Variants in ADAT2 observed in about 807,000 individuals in gnomAD.
ADAT2 encodes the protein adenosine deaminase tRNA specific 2.
Under a neutral mutation model 25.9 loss-of-function variants are expected in ADAT2, and 26 were observed. The observed-to-expected ratio is 1.00, with a 90% CI of 0.74 to 1.39. The LOEUF (loss-of-function observed/expected upper bound fraction) is 1.39. ADAT2 is among the 40% of genes most tolerant of loss of function. The pLI, the probability that ADAT2 is intolerant of heterozygous loss-of-function variation, is 0.00. For synonymous variants in ADAT2, 76 were observed against 86.8 expected (o/e 0.88, Z 0.69); for missense variants, 220 against 244.8 (o/e 0.90, Z 0.68).
chr6:143,424,050 G>A lies in ADAT2; in HGVS notation c.*4413C>T, dbSNP rs1562631266. 2.0e-5 allele frequency: 3 copies of A among 152,160 alleles called. No homozygotes were observed. Among genetic ancestry groups the A allele is most frequent in the Admixed American group, 2.0e-4 (3 of 15,274 alleles). The allele number at this position is 152,160 out of a possible 1,614,324, so 9.4% of individuals were successfully genotyped here. A position where few individuals can be genotyped will look rare whatever the true frequency, so the allele number is the denominator to read the frequency against. On this transcript the variant is annotated 3_prime_UTR_variant, in exon 6 of 6. Coordinates refer to ENST00000237283, the MANE Select transcript of ADAT2 (RefSeq NM_182503.3). This position sits in a 1 kb window ranked among gnomAD's most constrained non-coding sequence, Gnocchi z 4.8. ...TAGAAATCAGGTGATAAATAGTCAC[G>A]AGCCTGTTTTCATTAGCTCAACTTG...
At chr6:143,433,283 A>C (rs1038874634) in intron 3 of ADAT2, among the ~76,000 whole-genome samples, 13 of 152,218 alleles carry the variant, frequency 8.5e-5, no homozygotes, top group Admixed American at 2.0e-4. Context: ...TCTCTGCACT[A>C]TTTAAGTTGC....
At chr6:143,438,769 CATGAACAAG>C in intron 1 of ADAT2, 75 bp from the exon 2 acceptor site, 1 of 1,222,760 alleles carries the variant, frequency 8.2e-7, no homozygotes, top group Non-Finnish European at 1.2e-6. Context: ...AGAGATGCAG[CATGAACAAG>C]ATACACATGT....
At position 143,444,161 on chromosome 6, in the gene ADAT2, T is replaced by C. The variant is rs796885881; in HGVS notation, c.97-5467A>G. 1.3e-5 allele frequency among the ~76,000 whole-genome samples: 2 copies of C among 152,322 alleles called. No homozygotes were observed. The highest frequency in any genetic ancestry group is 4.8e-5 in the African/African-American group (2 of 41,574). On this transcript the variant is annotated intron_variant, in intron 1 of 5. Transcript: ENST00000237283. The surrounding 1 kb of genome is among the most constrained non-coding windows in gnomAD (Gnocchi z 4.3). ...ATTTATTTCATTTCACTCCTCTCAA[T>C]ATTATCTTCATGTTTATTTTGAGTA...
At chr6:143,447,026 C>G (rs983002522) in intron 1 of ADAT2, among the ~76,000 whole-genome samples, 23 of 152,268 alleles carry the variant, frequency 1.5e-4, no homozygotes, top group African/African-American at 5.5e-4. Context: ...CTATGCTTAG[C>G]TCTCAGAAAG....
In ADAT2 at chr6:143,426,775, T is replaced by A. The variant is rs1778945444; in HGVS notation, c.*1688A>T. On this transcript the variant is annotated 3_prime_UTR_variant, in exon 6 of 6. Transcript: ENST00000237283. This position sits in a 1 kb window ranked among gnomAD's most constrained non-coding sequence, Gnocchi z 4.1. ...TCAGTAATTTCATTTAGCAAATGTT[T>A]ACCAAGAACCTACTGGACATAAGAT... 1 of 152,186 alleles carries A rather than the reference T, an allele frequency of 6.6e-6. No homozygotes were observed. Among genetic ancestry groups the A allele is most frequent in the South Asian group, 2.1e-4 (1 of 4,826 alleles). 9.4% of individuals were successfully genotyped at this position (152,186 alleles called of 1,614,324 possible).
Position 143,443,252 on chromosome 6 carries a change from T to C in ADAT2, c.97-4558A>G, listed in dbSNP as rs926659910. On this transcript the variant is annotated intron_variant, in intron 1 of 5. Transcript: ENST00000237283. ...CACTTATTCATTTGTTCAACAAACA[T>C]TTGTGGAGCACCTACCAAGGGCCAG... Among the ~76,000 whole-genome samples the C allele has an allele frequency of 5.3e-5, 8 of 152,022 alleles. No homozygotes were observed. In the South Asian group the frequency reaches 1.0e-3, roughly 20 times the overall value.
chr6:143,423,777 T>A lies in ADAT2; in HGVS notation c.*4686A>T, dbSNP rs1379539648. On this transcript the variant is annotated 3_prime_UTR_variant, in exon 6 of 6. Coordinates refer to ENST00000237283, the MANE Select transcript of ADAT2 (RefSeq NM_182503.3). The stretch of plus-strand genomic sequence containing the variant: ...TGAAGGGAGGCCAAGGACTTACACA[T>A]CAAAAGTAGGGGATGAGAAATTTCA... The A allele has an allele frequency of 6.6e-6, 1 of 152,154 alleles. No homozygotes were observed. The highest frequency in any genetic ancestry group is 1.5e-5 in the Non-Finnish European group (1 of 68,036). The allele number at this position is 152,154 out of a possible 1,614,324, so 9.4% of individuals were successfully genotyped here. A position where few individuals can be genotyped will look rare whatever the true frequency, so the allele number is the denominator to read the frequency against.
Position 143,450,641 on chromosome 6 carries a change from T to C in ADAT2, c.18A>G (p.Ala6=). MEAKA[A]PKPAASGACS... is the part of the protein sequence containing the mutation. ...ACGCGCCGCTTGCAGCTGGCTTGGG[T>C]GCCGCCTTCGCCTCCATACCCAGCC... The change falls in exon 1 of 6, where the codon GCA becomes GCG. Residue 6 remains alanine (A), a synonymous_variant. Coordinates refer to ENST00000237283, the MANE Select transcript of ADAT2 (RefSeq NM_182503.3). 1 of 1,613,734 alleles carries C rather than the reference T, an allele frequency of 6.2e-7. No homozygotes were observed. Among genetic ancestry groups the C allele is most frequent in the Non-Finnish European group, 8.5e-7 (1 of 1,180,022 alleles).
rs1193517682 is a variant in ADAT2 at position 143,437,622 on chromosome 6, T to C, written c.201+968A>G. On this transcript the variant is annotated intron_variant, in intron 2 of 5. Coordinates refer to ENST00000237283, the MANE Select transcript of ADAT2 (RefSeq NM_182503.3). This position sits in a 1 kb window ranked among gnomAD's most constrained non-coding sequence, Gnocchi z 4.1. ...ATATAATCCTGTTCTATTTTATGGC[T>C]AAAAATAAATAAGTAAATAAATGAT... is the stretch of plus-strand genomic sequence containing the variant. 6.6e-6 allele frequency among the ~76,000 whole-genome samples: 1 copy of C among 152,224 alleles called. No homozygotes were observed. Among genetic ancestry groups the C allele is most frequent in the Admixed American group, 6.5e-5 (1 of 15,290 alleles).
chr6:143,437,958 C>T lies in ADAT2; in HGVS notation c.201+632G>A, dbSNP rs1187790295. Among the ~76,000 whole-genome samples, 1 of 152,144 alleles carries T rather than the reference C, an allele frequency of 6.6e-6. No individual in the cohort carries two copies. Among genetic ancestry groups the T allele is most frequent in the Non-Finnish European group, 1.5e-5 (1 of 68,018 alleles). ...AAGCATTGCCTTGAACCATGAACTT[C>T]CCAACCTAACCACAATAAAAGTCAT... is the stretch of plus-strand genomic sequence containing the variant. On this transcript the variant is annotated intron_variant, in intron 2 of 5. Coordinates refer to ENST00000237283, the MANE Select transcript of ADAT2 (RefSeq NM_182503.3). The surrounding 1 kb of genome is among the most constrained non-coding windows in gnomAD (Gnocchi z 4.1).
rs190719468 is a variant in ADAT2, at chr6:143,434,719, G to C, written c.202-738C>G. Among the ~76,000 whole-genome samples, 224 of 152,270 alleles carry C rather than the reference G, an allele frequency of 1.5e-3. No individual in the cohort carries two copies. Among genetic ancestry groups the C allele is most frequent in the African/African-American group, 4.7e-3 (196 of 41,550 alleles). On this transcript the variant is annotated intron_variant, in intron 2 of 5. Coordinates refer to ENST00000237283, the MANE Select transcript of ADAT2 (RefSeq NM_182503.3). This position sits in a 1 kb window ranked among gnomAD's most constrained non-coding sequence, Gnocchi z 4.5. The stretch of plus-strand genomic sequence containing the variant: ...ATAAATCTGAATTACATGAAGCATG[G>C]TGCCACATAATACTACACATGTACT...
At chr6:143,447,798 G>T (rs955519436) in intron 1 of ADAT2, among the ~76,000 whole-genome samples, 2 of 152,172 alleles carry the variant, frequency 1.3e-5, no homozygotes, top group East Asian at 3.9e-4. Context: ...ACTGTTGGTG[G>T]GACTGTAAAC....
In ADAT2 at chr6:143,446,844, C is replaced by T. The variant is rs974343068; in HGVS notation, c.96+3719G>A. Among the ~76,000 whole-genome samples the T allele has an allele frequency of 6.6e-6, 1 of 152,154 alleles. No individual in the cohort carries two copies. The highest frequency in any genetic ancestry group is 2.4e-5 in the African/African-American group (1 of 41,444). The stretch of plus-strand genomic sequence containing the variant: ...CCATAATAATACTCACCTGATAGGG[C>T]TTCTGTGGGGCTTATAACATGGCCC... On this transcript the variant is annotated intron_variant, in intron 1 of 5. Coordinates refer to ENST00000237283, the MANE Select transcript of ADAT2 (RefSeq NM_182503.3). This position sits in a 1 kb window ranked among gnomAD's most constrained non-coding sequence, Gnocchi z 5.0.
At chr6:143,445,126 T>C (rs1322674032) in intron 1 of ADAT2, among the ~76,000 whole-genome samples, 1 of 151,458 alleles carries the variant, frequency 6.6e-6, no homozygotes, top group African/African-American at 2.4e-5. Context: ...AGTTATATAG[T>C]TTAACTTTGG....
At position 143,437,706 on chromosome 6, in the gene ADAT2, T is replaced by G. The variant is rs573152070; in HGVS notation, c.201+884A>C. ...TGCTAAATATCAGTTTTCTTTTCAA[T>G]AGATGTGATTGATAGATGAACTAGT... On this transcript the variant is annotated intron_variant, in intron 2 of 5. Coordinates refer to ENST00000237283, the MANE Select transcript of ADAT2 (RefSeq NM_182503.3). The surrounding 1 kb of genome is among the most constrained non-coding windows in gnomAD (Gnocchi z 4.1). 8.5e-5 allele frequency among the ~76,000 whole-genome samples: 13 copies of G among 152,352 alleles called. No individual in the cohort carries two copies. The highest frequency in any genetic ancestry group is 4.1e-4 in the South Asian group (2 of 4,828).
In ADAT2 at chr6:143,424,291, G is replaced by A. The variant is rs1437976207; in HGVS notation, c.*4172C>T. On this transcript the variant is annotated 3_prime_UTR_variant, in exon 6 of 6. Coordinates refer to ENST00000237283, the MANE Select transcript of ADAT2 (RefSeq NM_182503.3). The surrounding 1 kb of genome is among the most constrained non-coding windows in gnomAD (Gnocchi z 4.8). Reference sequence around the variant, plus strand: ...AATTCCTGGTGTCTGGTTTCCCTGGGGCTATAAGGCCAGTTCACGTAGGAC... The same window carrying A: ...AATTCCTGGTGTCTGGTTTCCCTGGAGCTATAAGGCCAGTTCACGTAGGAC... 1 of 152,152 alleles carries A rather than the reference G, an allele frequency of 6.6e-6. No individual in the cohort carries two copies. The highest frequency in any genetic ancestry group is 1.5e-5 in the Non-Finnish European group (1 of 68,028). 9.4% of individuals were successfully genotyped at this position (152,152 alleles called of 1,614,324 possible).
rs372235991 is a variant in ADAT2, at chr6:143,432,455, G to A, written c.459+50C>T. ...CACTAGTTATTCACAAGCCCATAAA[G>A]AGATGAAAATAATTAGCAAGAAAGA... is the stretch of plus-strand genomic sequence containing the variant. On this transcript the variant is annotated intron_variant, in intron 4 of 5. Transcript: ENST00000237283. This position sits in a 1 kb window ranked among gnomAD's most constrained non-coding sequence, Gnocchi z 4.4. The A allele has an allele frequency of 2.6e-6, 4 of 1,509,618 alleles. No individual in the cohort carries two copies. Among genetic ancestry groups the A allele is most frequent in the Non-Finnish European group, 3.7e-6 (4 of 1,085,818 alleles). 93.5% of individuals were successfully genotyped at this position (1,509,618 alleles called of 1,614,324 possible).
chr6:143,438,854 G>C (rs1329635989), intron 1 of ADAT2, among the ~76,000 whole-genome samples, 160 bp from the exon 2 acceptor site: 1 of 152,102 alleles, frequency 6.6e-6, no homozygotes, highest in Non-Finnish European at 1.5e-5. Flanking sequence ...ACGGTATTTA[G>C]TGCCCGTGTT....
In ADAT2 at chr6:143,437,342, T is replaced by C. The variant is rs1451663078; in HGVS notation, c.201+1248A>G. Among the ~76,000 whole-genome samples the C allele has an allele frequency of 2.6e-5, 4 of 152,210 alleles. No individual in the cohort carries two copies. The highest frequency in any genetic ancestry group is 1.3e-4 in the Admixed American group (2 of 15,276). On this transcript the variant is annotated intron_variant, in intron 2 of 5. Coordinates refer to ENST00000237283, the MANE Select transcript of ADAT2 (RefSeq NM_182503.3). The surrounding 1 kb of genome is among the most constrained non-coding windows in gnomAD (Gnocchi z 4.1). ...CTGATAATCTAATGTTACAAAGAAA[T>C]TGCTTTTTTCTTCTGTTAAAGTTAA...
Sources: gnomAD v4.1 joint callset for allele counts (sites outside exome capture counted in the v4.1 genomes callset) on GRCh38, gnomAD v4.1.1 for gene constraint, Gnocchi (gnomAD v3.1) non-coding constraint, MANE v1.5 for transcripts, NCBI Gene and HGNC (gene_info 2026-07-23, HGNC 2026-07-21) for gene names.